CUBN: variants seen among roughly 807,000 people sequenced by gnomAD.
The protein encoded by CUBN is cubilin.
Under a neutral mutation model 405.3 loss-of-function variants are expected in CUBN, and 282 were observed. The ratio of observed to expected loss-of-function variants is 0.70; its 90% CI spans 0.63 to 0.77. The LOEUF (loss-of-function observed/expected upper bound fraction) is 0.77, where lower values mean the gene tolerates loss of function less well. CUBN is among the 30% of genes least tolerant of loss of function. The pLI is 0.00. For synonymous variants in CUBN, 1,684 were observed against 1,617.0 expected (o/e 1.04, Z -0.99); for missense variants, 4,514 against 4,475.2 (o/e 1.01, Z -0.25).
At chr10:16,884,529 A>T (rs1185656568) in intron 56 of CUBN, among the ~76,000 whole-genome samples, 1 of 152,222 alleles carries the variant, frequency 6.6e-6, no homozygotes, top group Non-Finnish European at 1.5e-5. Flanking sequence ...GAGGACAAAC[A>T]TCAATGGTCT....
At chr10:16,972,139 C>T (rs757222000) in intron 31 of CUBN, among the ~76,000 whole-genome samples, 2 of 152,084 alleles carry the variant, frequency 1.3e-5, no homozygotes, top group Non-Finnish European at 2.9e-5. Context: ...AAGCACTCAG[C>T]GCACCTCCTC....
chr10:17,041,352 A>ATG, intron 26 of CUBN, 132 bp from the exon 27 acceptor site: 2 of 707,972 alleles, frequency 2.8e-6, no homozygotes. Context: ...ATGTGTATAT[A>ATG]TGTGTGTGTA....
At chr10:17,025,422 A>C (rs1015644327) in intron 27 of CUBN, among the ~76,000 whole-genome samples, 1 of 152,224 alleles carries the variant, frequency 6.6e-6, no homozygotes, top group African/African-American at 2.4e-5. Context: ...AATTTTGTGA[A>C]AATTATTGAA....
chr10:17,078,181 A>G (rs1320751355), intron 17 of CUBN, among the ~76,000 whole-genome samples: 1 of 152,142 alleles, frequency 6.6e-6, no homozygotes, highest in East Asian at 1.9e-4. Flanking sequence ...GTCCTTGCAT[A>G]TAGAATATAA....
At position 16,890,355 on chromosome 10, in the gene CUBN, T is replaced by A; in HGVS notation, c.8755+16A>T. Reference sequence around the variant, plus strand: ...TCCCGCAAAGACCTCTGGGTTTGGTTCTTAGGGCTACTTACGGCTAACAAA... The same window carrying A: ...TCCCGCAAAGACCTCTGGGTTTGGTACTTAGGGCTACTTACGGCTAACAAA... On this transcript the variant is annotated intron_variant, in intron 55 of 66. Coordinates refer to ENST00000377833, the MANE Select transcript of CUBN (RefSeq NM_001081.4). 6.2e-7 allele frequency: 1 copy of A among 1,612,328 alleles called. No individual in the cohort carries two copies. The highest frequency in any genetic ancestry group is 8.5e-7 in the Non-Finnish European group (1 of 1,179,954).
At chr10:16,969,781 T>C (rs973395198) in intron 31 of CUBN, among the ~76,000 whole-genome samples, 5 of 152,144 alleles carry the variant, frequency 3.3e-5, no homozygotes, top group African/African-American at 1.2e-4. Context: ...CTATAGGGAC[T>C]AGGCCTACTC....
chr10:17,128,534 A>G (rs1044038533), intron 2 of CUBN, among the ~76,000 whole-genome samples: 3 of 152,212 alleles, frequency 2.0e-5, no homozygotes, highest in African/African-American at 7.2e-5. Flanking sequence ...TCACATGTCC[A>G]CATATCCTTG....
chr10:17,051,588 C>G (rs1835269213), intron 22 of CUBN, among the ~76,000 whole-genome samples: 2 of 150,824 alleles, frequency 1.3e-5, no homozygotes, highest in Non-Finnish European at 3.0e-5. Flanking sequence ...AATTTTGGCC[C>G]AAAAAGGGAG....
chr10:16,867,200 A>G (rs1840212260), intron 59 of CUBN, among the ~76,000 whole-genome samples: 1 of 152,210 alleles, frequency 6.6e-6, no homozygotes, highest in South Asian at 2.1e-4. Context: ...TTTGTAAATG[A>G]AAATCCACTA....
chr10:16,881,617 T>A (rs1293201113), intron 56 of CUBN, among the ~76,000 whole-genome samples: 1 of 152,226 alleles, frequency 6.6e-6, no homozygotes. Context: ...CAGTAAAATG[T>A]AGAAATTATA....
chr10:17,083,289 T>C (rs914774788), intron 17 of CUBN, among the ~76,000 whole-genome samples: 1 of 152,134 alleles, frequency 6.6e-6, no homozygotes, highest in African/African-American at 2.4e-5. Flanking sequence ...GAGGATCACC[T>C]GAGGTTGGGA....
chr10:16,976,959 G>C lies in CUBN; in HGVS notation c.4695+5525C>G, dbSNP rs7903434. Among the ~76,000 whole-genome samples, 1,379 of 152,236 alleles carry C rather than the reference G, an allele frequency of 9.1e-3. 25 individuals carry two copies. Among genetic ancestry groups the C allele is most frequent in the African/African-American group, 0.031 (1,295 of 41,542 alleles). On this transcript the variant is annotated intron_variant, in intron 31 of 66. Transcript: ENST00000377833. The stretch of plus-strand genomic sequence containing the variant: ...CACTTTCTATAGTATGCAGTTCCTT[G>C]CTGAAAGTTCTCAGTTTGACTTTTA...
At chr10:17,040,269 T>C (rs1239349816) in intron 27 of CUBN, among the ~76,000 whole-genome samples, 2 of 152,256 alleles carry the variant, frequency 1.3e-5, no homozygotes, top group Admixed American at 6.5e-5. Flanking sequence ...AGTGAAAACA[T>C]TATATGTGGA....
chr10:16,985,465 A>T (rs944021438), intron 29 of CUBN, among the ~76,000 whole-genome samples: 1 of 152,082 alleles, frequency 6.6e-6, no homozygotes, highest in Non-Finnish European at 1.5e-5. Flanking sequence ...AAATCCCCAC[A>T]TTCACCATCC....
chr10:17,053,288 C>T (rs1835314840), intron 22 of CUBN, among the ~76,000 whole-genome samples: 1 of 151,616 alleles, frequency 6.6e-6, no homozygotes, highest in African/African-American at 2.4e-5. Context: ...AAAAGCAGGA[C>T]CCAATTATAT....
chr10:17,120,608 A>G (rs1837015070), intron 6 of CUBN, among the ~76,000 whole-genome samples: 1 of 152,258 alleles, frequency 6.6e-6, no homozygotes, highest in South Asian at 2.1e-4. Context: ...GCTTTCAACA[A>G]ATAAATGGTT....
At chr10:17,097,818 T>A (rs1836407535) in intron 14 of CUBN, among the ~76,000 whole-genome samples, 1 of 152,150 alleles carries the variant, frequency 6.6e-6, no homozygotes, top group Non-Finnish European at 1.5e-5. Flanking sequence ...GTTTCAACAT[T>A]CATTCATGAT....
intron 6 of CUBN, among the ~76,000 whole-genome samples, chr10:17,121,615 G>A (rs1837043878): frequency 6.6e-6 from 1 of 151,596 alleles, no homozygotes; most frequent in Non-Finnish European, 1.5e-5. Context: ...GTTAATGGAT[G>A]CAGCACACCA....
At chr10:17,019,743 T>C in intron 28 of CUBN, 90 bp downstream of exon 28, 1 of 1,470,734 alleles carries the variant, frequency 6.8e-7, no homozygotes, top group South Asian at 1.1e-5. Flanking sequence ...TATTTGTTCA[T>C]GGTATTGTTT....
Sources: allele counts gnomAD v4.1 joint callset (sites outside exome capture counted in the v4.1 genomes callset), GRCh38; gene constraint gnomAD v4.1.1; transcripts MANE v1.5; gene names NCBI Gene and HGNC (gene_info 2026-07-23, HGNC 2026-07-21).